The following CFAP58 variants were observed in gnomAD, a reference collection of about 807,000 sequenced individuals.
The protein encoded by CFAP58 is cilia and flagella associated protein 58, also known as cilia- and flagella-associated protein 58.
Under a neutral mutation model 119.5 loss-of-function variants are expected in CFAP58, and 88 were observed. That is an observed-to-expected ratio of 0.74 (90% confidence interval 0.62 to 0.88). CFAP58 has a LOEUF of 0.88. CFAP58 is among the 40% of genes least tolerant of loss of function. The probability of loss-of-function intolerance (pLI) is 0.00; values close to 1 mark genes in which losing one functional copy is unlikely to be tolerated. For synonymous variants in CFAP58, 365 were observed against 366.3 expected (o/e 1.00, Z 0.04); for missense variants, 990 against 1,021.2 (o/e 0.97, Z 0.42).
intron 9 of CFAP58, among the ~76,000 whole-genome samples, chr10:104,385,634 T>C (rs2011907553): frequency 6.6e-6 from 1 of 151,812 alleles, no homozygotes; most frequent in Admixed American, 6.6e-5. Flanking sequence ...CTGGGCAACA[T>C]AGGAGACCTG....
intron 11 of CFAP58, among the ~76,000 whole-genome samples, chr10:104,395,070 A>C (rs1208721587): frequency 6.6e-6 from 1 of 152,232 alleles, no homozygotes; most frequent in African/African-American, 2.4e-5. Flanking sequence ...TTATTACTCC[A>C]TAATGGGGTC....
chr10:104,403,212 C>G (rs1432425832), intron 13 of CFAP58, among the ~76,000 whole-genome samples: 1 of 152,112 alleles, frequency 6.6e-6, no homozygotes, highest in Non-Finnish European at 1.5e-5. Context: ...GAATAAGTCT[C>G]ACGAGATCTG....
intron 16 of CFAP58, 127 bp downstream of exon 16, chr10:104,447,944 C>CTAAGGGAGCTGA: frequency 2.5e-6 from 3 of 1,193,838 alleles, no homozygotes; most frequent in Non-Finnish European, 3.5e-6. Context: ...GAGGTCAGCT[C>CTAAGGGAGCTGA]CCTTAGAGCT....
chr10:104,352,942 G>A (rs1009191009), upstream of CFAP58, among the ~76,000 whole-genome samples: 3 of 152,132 alleles, frequency 2.0e-5, no homozygotes, highest in African/African-American at 7.2e-5. Context: ...AAAATACACT[G>A]ATAAAAATTT....
chr10:104,429,972 G>A (rs2012817419), intron 15 of CFAP58, among the ~76,000 whole-genome samples: 1 of 151,978 alleles, frequency 6.6e-6, no homozygotes, highest in African/African-American at 2.4e-5. Flanking sequence ...GTCTGCACCT[G>A]CAGAGTCATT....
chr10:104,440,217 A>AG (rs1207237638), intron 15 of CFAP58, among the ~76,000 whole-genome samples: 1 of 147,896 alleles, frequency 6.8e-6, no homozygotes, highest in African/African-American at 2.6e-5. Context: ...TCTAGCATGC[A>AG]TCTATAGGTC....
At chr10:104,344,800 T>C in the CFAP58 span, among the ~76,000 whole-genome samples, 1 of 152,108 alleles carries the variant, frequency 6.6e-6, no homozygotes, top group Non-Finnish European at 1.5e-5. Context: ...CATTTGCTTC[T>C]ACTAAAATCA....
chr10:104,406,648 C>A, intron 14 of CFAP58, 41 bp from the exon 15 acceptor site: 1 of 1,528,094 alleles, frequency 6.5e-7, no homozygotes, highest in African/African-American at 1.4e-5. Context: ...TGCTTTGAAG[C>A]TGATGATATC....
At chr10:104,393,515 T>A in intron 11 of CFAP58, 40 bp downstream of exon 11, 1 of 1,567,176 alleles carries the variant, frequency 6.4e-7, no homozygotes, top group Non-Finnish European at 8.7e-7. Context: ...CAACAGTTCA[T>A]CAGCCCGCTC....
At chr10:104,371,489 T>C (rs972700994) in intron 7 of CFAP58, among the ~76,000 whole-genome samples, 24 of 152,232 alleles carry the variant, frequency 1.6e-4, no homozygotes, top group Admixed American at 1.5e-3. Context: ...GCTTCTAACA[T>C]CTTTTCTCTG....
At position 104,364,597 on chromosome 10, in the gene CFAP58, G is replaced by T. The variant is rs554736681; in HGVS notation, c.441-136G>T. The T allele has an allele frequency of 2.5e-3, 1,751 of 703,938 alleles. 2 individuals carry two copies. Among genetic ancestry groups the T allele is most frequent in the South Asian group, 4.5e-3 (220 of 48,946 alleles). The allele number at this position is 703,938 out of a possible 1,614,324, so 43.6% of individuals were successfully genotyped here. A position where few individuals can be genotyped will look rare whatever the true frequency, so the allele number is the denominator to read the frequency against. ...ATCTGATCCCATATCATGGCATAAAGATCTTTCTCTTTAATGTCTGAATAG... is the reference window on the plus strand; with the variant it reads ...ATCTGATCCCATATCATGGCATAAATATCTTTCTCTTTAATGTCTGAATAG... On this transcript the variant is annotated intron_variant, in intron 3 of 17. Coordinates refer to ENST00000369704, the MANE Select transcript of CFAP58 (RefSeq NM_001008723.2).
At chr10:104,356,972 C>T (rs2014551220) in intron 1 of CFAP58, among the ~76,000 whole-genome samples, 1 of 152,108 alleles carries the variant, frequency 6.6e-6, no homozygotes, top group Admixed American at 6.5e-5. Context: ...TATGTTGTAG[C>T]TAACAAGAAG....
At chr10:104,345,157 A>C in the CFAP58 span, among the ~76,000 whole-genome samples, 3 of 150,836 alleles carry the variant, frequency 2.0e-5, no homozygotes, top group African/African-American at 7.4e-5. Context: ...AAAAAAAAAC[A>C]AAAACAAAAA....
At chr10:104,404,924 T>G (rs1228836985) in intron 14 of CFAP58, among the ~76,000 whole-genome samples, 3 of 152,210 alleles carry the variant, frequency 2.0e-5, no homozygotes, top group Non-Finnish European at 2.9e-5. Context: ...TTTTTTTTCT[T>G]TAAGAATGGA....
chr10:104,399,375 C>A lies in CFAP58; in HGVS notation c.1690C>A (p.Leu564Met). The A allele has an allele frequency of 6.2e-7, 1 of 1,613,710 alleles. No homozygotes were observed. The highest frequency in any genetic ancestry group is 1.1e-5 in the South Asian group (1 of 91,052). Residue 564 changes from leucine (L) to methionine (M), a missense_variant, in exon 12 of 18, where the codon CTG becomes ATG. Physicochemically the swap from Leu to Met is conservative, Grantham distance 15. Transcript: ENST00000369704. ...TCTTTGTCAGGCTGAGCTGCAGAAG[C>A]TGAGACAACAAGCCCTGGAGACAAA... ...KETLKAELQK[L>M]RQQALETKHF...
intron 7 of CFAP58, 98 bp downstream of exon 7, chr10:104,371,152 C>T: frequency 2.5e-6 from 3 of 1,185,122 alleles, no homozygotes; most frequent in Non-Finnish European, 3.5e-6. Flanking sequence ...ACAACCTATG[C>T]CAAATGAAAT....
chr10:104,429,478 C>T (rs1386441720), intron 15 of CFAP58, among the ~76,000 whole-genome samples: 1 of 152,128 alleles, frequency 6.6e-6, no homozygotes, highest in Non-Finnish European at 1.5e-5. Context: ...AAAAGCATGC[C>T]AGTGTCTACT....
At chr10:104,364,998 C>CA in intron 4 of CFAP58, 109 bp downstream of exon 4, 1 of 1,070,848 alleles carries the variant, frequency 9.3e-7, no homozygotes. Context: ...CCCTAGCGCC[C>CA]AAATGAAACA....
intron 1 of CFAP58, among the ~76,000 whole-genome samples, chr10:104,357,806 CATAT>C (rs200597438): frequency 6.9e-6 from 1 of 145,446 alleles, no homozygotes; most frequent in Non-Finnish European, 1.5e-5. Flanking sequence ...TATATACACA[CATAT>C]ATATGTACAT....
Sources: gnomAD v4.1 joint callset for allele counts (sites outside exome capture counted in the v4.1 genomes callset) on GRCh38, gnomAD v4.1.1 for gene constraint, MANE v1.5 for transcripts, NCBI Gene and HGNC (gene_info 2026-07-23, HGNC 2026-07-21) for gene names.